FBXL20: variants seen among roughly 807,000 people sequenced by gnomAD.
FBXL20 encodes the protein F-box/LRR-repeat protein 20.
A neutral mutation model predicts 64.0 loss-of-function variants in FBXL20; 11 were observed. The ratio of observed to expected loss-of-function variants is 0.17; its 90% CI spans 0.11 to 0.28. The LOEUF (loss-of-function observed/expected upper bound fraction) is 0.28. Among genes scored for constraint, FBXL20 ranks in the 10% least tolerant of loss-of-function variants. The pLI is 1.00. For synonymous variants in FBXL20, 184 were observed against 189.0 expected, an observed-to-expected ratio of 0.97 and a Z score of 0.22; for missense variants, 303 against 526.2, an observed-to-expected ratio of 0.58 and a Z score of 4.15.
intron 2 of FBXL20, among the ~76,000 whole-genome samples, chr17:39,324,438 GC>G (rs1285566894): frequency 6.6e-6 from 1 of 151,648 alleles, no homozygotes; most frequent in African/African-American, 2.4e-5. Context: ...ACAGGCACTT[GC>G]CACCACACCC....
At chr17:39,337,930 C>T (rs911461392) in intron 2 of FBXL20, among the ~76,000 whole-genome samples, 6 of 151,348 alleles carry the variant, frequency 4.0e-5, no homozygotes, top group Admixed American at 1.3e-4. Flanking sequence ...GTCAGCCCCC[C>T]GCCCGGCCAG....
At position 39,313,931 on chromosome 17, in the gene FBXL20, G is replaced by A. The variant is rs1440195030; in HGVS notation, c.105-10292C>T. On this transcript the variant is annotated intron_variant, in intron 2 of 14. Transcript: ENST00000264658. Reference sequence around the variant, plus strand: ...ATTACAGGCATGAACCACAGTGCCCGGCCCAAAATTTATCTTTTAAAATAC... The same window carrying A: ...ATTACAGGCATGAACCACAGTGCCCAGCCCAAAATTTATCTTTTAAAATAC... Among the ~76,000 whole-genome samples, 9 of 152,222 alleles carry A rather than the reference G, an allele frequency of 5.9e-5. No individual in the cohort carries two copies. In the South Asian group the frequency reaches 6.2e-4, roughly 11 times the overall value.
At chr17:39,372,203 A>G (rs1276000535) in intron 1 of FBXL20, among the ~76,000 whole-genome samples, 1 of 152,078 alleles carries the variant, frequency 6.6e-6, no homozygotes, top group Non-Finnish European at 1.5e-5. Context: ...ACAGCCTGGG[A>G]ATAATTCTAC....
intron 1 of FBXL20, among the ~76,000 whole-genome samples, chr17:39,377,504 TTG>T (rs1491182302): frequency 1.4e-5 from 2 of 140,448 alleles, no homozygotes; most frequent in Admixed American, 7.3e-5. Context: ...TTTTTTGTTG[TTG>T]TTTTTTTTTT....
At chr17:39,268,137 A>C (rs549409971) in intron 12 of FBXL20, among the ~76,000 whole-genome samples, 5 of 152,130 alleles carry the variant, frequency 3.3e-5, no homozygotes, top group Non-Finnish European at 5.9e-5. Context: ...GGATCACCTG[A>C]GGTCAGGAGT....
intron 12 of FBXL20, among the ~76,000 whole-genome samples, chr17:39,266,065 CTTTTTTTTTTTTTT>C (rs34822405): frequency 8.0e-5 from 5 of 62,736 alleles, no homozygotes; most frequent in Admixed American, 4.2e-4. Context: ...CTCATTCATT[CTTTTTTTTTTTTTT>C]TTTTTTTTTT....
chr17:39,316,258 A>C (rs1352124722), intron 2 of FBXL20, among the ~76,000 whole-genome samples: 2 of 151,944 alleles, frequency 1.3e-5, no homozygotes, highest in Non-Finnish European at 2.9e-5. Context: ...ACATACATGT[A>C]AATTGTGTAC....
chr17:39,312,612 C>A (rs1269714926), intron 2 of FBXL20, among the ~76,000 whole-genome samples: 1 of 111,560 alleles, frequency 9.0e-6, no homozygotes, highest in African/African-American at 3.5e-5. Flanking sequence ...CTCACTCTGT[C>A]CCCTGGGCTG....
At chr17:39,326,393 C>T (rs910144480) in intron 2 of FBXL20, among the ~76,000 whole-genome samples, 1 of 151,900 alleles carries the variant, frequency 6.6e-6, no homozygotes, top group African/African-American at 2.4e-5. Context: ...GGTACAGTGG[C>T]TCATACCTGT....
At chr17:39,337,747 G>A (rs567248023) in intron 2 of FBXL20, among the ~76,000 whole-genome samples, 7 of 151,478 alleles carry the variant, frequency 4.6e-5, no homozygotes, top group Admixed American at 6.6e-5. Flanking sequence ...CGTCTCCGAC[G>A]GGCAGCCACC....
chr17:39,339,882 G>A (rs548395964), intron 2 of FBXL20, among the ~76,000 whole-genome samples: 2 of 151,660 alleles, frequency 1.3e-5, no homozygotes, highest in South Asian at 2.1e-4. Context: ...TCCTGACCTC[G>A]TGATCCGCCC....
chr17:39,334,653 C>G (rs1567884914), intron 2 of FBXL20, among the ~76,000 whole-genome samples: 3 of 152,012 alleles, frequency 2.0e-5, no homozygotes, highest in African/African-American at 7.3e-5. Flanking sequence ...TTACCTGAAT[C>G]CTTTAAAAAA....
At chr17:39,341,166 T>C (rs2047579563) in intron 2 of FBXL20, among the ~76,000 whole-genome samples, 1 of 152,150 alleles carries the variant, frequency 6.6e-6, no homozygotes, top group African/African-American at 2.4e-5. Context: ...CTTTCCAGGA[T>C]ACTAATTTCA....
chr17:39,391,934 G>A (rs570572253), intron 1 of FBXL20, among the ~76,000 whole-genome samples: 1 of 151,328 alleles, frequency 6.6e-6, no homozygotes, highest in South Asian at 2.1e-4. Flanking sequence ...ACAAGGCCAG[G>A]AGTTCGAGAC....
At chr17:39,262,493 C>A (rs1222982749) in intron 14 of FBXL20, among the ~76,000 whole-genome samples, 1 of 151,970 alleles carries the variant, frequency 6.6e-6, no homozygotes, top group Non-Finnish European at 1.5e-5. Flanking sequence ...GTTGACCAGG[C>A]TGGTCTTGAA....
chr17:39,382,522 T>C lies in FBXL20; in HGVS notation c.42+18839A>G, dbSNP rs368428807. 1.1e-3 allele frequency among the ~76,000 whole-genome samples: 161 copies of C among 151,968 alleles called. 2 individuals are homozygous for C. The South Asian group carries it at 0.032, about 30-fold the overall frequency. ...CTTATGAATGTATTCAGCTTTATTA[T>C]AGATATGGCTTTTCAAAACCAGGGG... On this transcript the variant is annotated intron_variant, in intron 1 of 14. Coordinates refer to ENST00000264658, the MANE Select transcript of FBXL20 (RefSeq NM_032875.3).
At chr17:39,271,912 A>G (rs939119623) in intron 10 of FBXL20, among the ~76,000 whole-genome samples, 2 of 152,190 alleles carry the variant, frequency 1.3e-5, no homozygotes, top group African/African-American at 4.8e-5. Context: ...GTTGAAAAAA[A>G]TTGAAGTTAA....
At chr17:39,363,827 C>CAAAAAA (rs1555612706) in intron 1 of FBXL20, among the ~76,000 whole-genome samples, 17,261 of 76,302 alleles carry the variant, frequency 0.23, 2,123 homozygotes, top group African/African-American at 0.31. Flanking sequence ...AAAAAAAAAA[C>CAAAAAA]AAAAAACAAA....
At chr17:39,281,212 G>C (rs2046947382) in intron 9 of FBXL20, among the ~76,000 whole-genome samples, 177 bp downstream of exon 9, 1 of 152,106 alleles carries the variant, frequency 6.6e-6, no homozygotes, top group Non-Finnish European at 1.5e-5. Flanking sequence ...CTATGCCAAG[G>C]CCCCTAGGAA....
Sources: allele counts gnomAD v4.1 joint callset (sites outside exome capture counted in the v4.1 genomes callset), GRCh38; gene constraint gnomAD v4.1.1; transcripts MANE v1.5; gene names NCBI Gene and HGNC (gene_info 2026-07-23, HGNC 2026-07-21).